Variants in CNBD1 observed in about 807,000 individuals in gnomAD.
The protein encoded by CNBD1 is cyclic nucleotide binding domain containing 1, also known as cyclic nucleotide-binding domain-containing protein 1.
In CNBD1, 71 loss-of-function variants were observed where a neutral mutation model predicts 54.4. The observed-to-expected ratio is 1.30, with a 90% CI of 1.08 to 1.59. CNBD1 has a LOEUF of 1.59. Among genes scored for constraint, CNBD1 ranks in the 40% most tolerant of loss-of-function variants. The pLI, the probability that CNBD1 is intolerant of heterozygous loss-of-function variation, is 0.00. For synonymous variants in CNBD1, 182 were observed against 170.7 expected (o/e 1.07, Z -0.51); for missense variants, 659 against 518.0 (o/e 1.27, Z -2.64).
chr8:86,981,706 T>C (rs186339269), intron 4 of CNBD1, among the ~76,000 whole-genome samples: 1 of 152,324 alleles, frequency 6.6e-6, no homozygotes, highest in Admixed American at 6.5e-5. Context: ...AATATTTAAA[T>C]TTATTCCTGT....
intron 8 of CNBD1, among the ~76,000 whole-genome samples, chr8:87,327,586 C>A (rs1809709186): frequency 6.6e-6 from 1 of 152,254 alleles, no homozygotes; most frequent in South Asian, 2.1e-4. Context: ...TCAGTCACCC[C>A]TTTTTTGACT....
chr8:86,968,120 T>C lies in CNBD1; in HGVS notation c.431+28366T>C, dbSNP rs78013957. Among the ~76,000 whole-genome samples the C allele has an allele frequency of 2.4e-3, 361 of 152,292 alleles. 2 individuals are homozygous for C. The highest frequency in any genetic ancestry group is 8.5e-3 in the African/African-American group (352 of 41,564). On this transcript the variant is annotated intron_variant, in intron 4 of 10. Coordinates refer to ENST00000518476, the MANE Select transcript of CNBD1 (RefSeq NM_173538.3). ...AGCATTTGCCTTCCTCCTGGTGGAT[T>C]TGGCTCGTCTGACAAAACCCTATTC...
rs564500157 is a variant in CNBD1 at position 87,186,857 on chromosome 8, C to T, written c.432-19136C>T. Among the ~76,000 whole-genome samples the T allele has an allele frequency of 2.6e-5, 4 of 152,040 alleles. No homozygotes were observed. In the East Asian group the frequency reaches 7.7e-4, roughly 29 times the overall value. The stretch of plus-strand genomic sequence containing the variant: ...GAAACAAGGAAGCAAAAGTTATGGA[C>T]AAAAGGAAGGGAGATATACTAACCA... On this transcript the variant is annotated intron_variant, in intron 4 of 10. Transcript: ENST00000518476.
chr8:86,927,334 G>A (rs112867122), intron 3 of CNBD1, among the ~76,000 whole-genome samples: 12,106 of 152,160 alleles, frequency 0.08, 625 homozygotes, highest in African/African-American at 0.15. Context: ...CTGCTGCAGG[G>A]GGTCCAGGGG....
chr8:87,019,078 C>CTA (rs1809428905), intron 4 of CNBD1, among the ~76,000 whole-genome samples: 1 of 152,026 alleles, frequency 6.6e-6, no homozygotes, highest in African/African-American at 2.4e-5. Flanking sequence ...ATAAATCTAT[C>CTA]TATATATATT....
intron 4 of CNBD1, among the ~76,000 whole-genome samples, chr8:87,105,870 T>C (rs1026086767): frequency 2.6e-5 from 4 of 152,170 alleles, no homozygotes; most frequent in African/African-American, 9.7e-5. Context: ...TGAGCAGTCA[T>C]TGTCAGTGCA....
At chr8:86,912,904 G>C (rs139391511) in intron 3 of CNBD1, among the ~76,000 whole-genome samples, 3 of 151,948 alleles carry the variant, frequency 2.0e-5, no homozygotes, top group Non-Finnish European at 4.4e-5. Flanking sequence ...GCTAATGTTT[G>C]TAATTGTGTA....
Position 87,105,551 on chromosome 8 carries a change from C to A in CNBD1, c.432-100442C>A, listed in dbSNP as rs1171899311. On this transcript the variant is annotated intron_variant, in intron 4 of 10. Coordinates refer to ENST00000518476, the MANE Select transcript of CNBD1 (RefSeq NM_173538.3). ...CACAGCTTTTTCAGCCCTTGATAAACCCTTCTGTTTGAAAGCAGGTGGTTG... is the reference window on the plus strand; with the variant it reads ...CACAGCTTTTTCAGCCCTTGATAAAACCTTCTGTTTGAAAGCAGGTGGTTG... Among the ~76,000 whole-genome samples the A allele has an allele frequency of 1.3e-5, 2 of 152,116 alleles. 1 individual carries two copies. Among genetic ancestry groups the A allele is most frequent in the African/African-American group, 4.8e-5 (2 of 41,418 alleles).
At chr8:87,273,875 A>C (rs1010240285) in intron 6 of CNBD1, among the ~76,000 whole-genome samples, 1 of 150,314 alleles carries the variant, frequency 6.7e-6, no homozygotes, top group African/African-American at 2.4e-5. Context: ...GCACCCACTA[A>C]CTCGTCATCT....
At chr8:87,136,532 ATATAT>A (rs1350112667) in intron 4 of CNBD1, among the ~76,000 whole-genome samples, 2 of 115,740 alleles carry the variant, frequency 1.7e-5, no homozygotes, top group African/African-American at 3.2e-5. Flanking sequence ...TATATAAATT[ATATAT>A]TATATTTATA....
At chr8:87,248,949 C>A (rs775123740) in intron 6 of CNBD1, among the ~76,000 whole-genome samples, 1 of 152,124 alleles carries the variant, frequency 6.6e-6, no homozygotes, top group African/African-American at 2.4e-5. Flanking sequence ...TGACTTAAAG[C>A]CTGCCACCAG....
At chr8:87,223,962 T>C (rs1814411755) in intron 5 of CNBD1, among the ~76,000 whole-genome samples, 1 of 152,152 alleles carries the variant, frequency 6.6e-6, no homozygotes, top group Non-Finnish European at 1.5e-5. Flanking sequence ...TATCTCATTG[T>C]GGTTTTGATT....
At chr8:87,171,209 T>C (rs1301303654) in intron 4 of CNBD1, among the ~76,000 whole-genome samples, 4 of 152,170 alleles carry the variant, frequency 2.6e-5, no homozygotes, top group African/African-American at 9.7e-5. Flanking sequence ...TACTTTTTGT[T>C]CTGTACAGCT....
At chr8:87,012,293 T>C (rs929885923) in intron 4 of CNBD1, among the ~76,000 whole-genome samples, 8 of 152,300 alleles carry the variant, frequency 5.3e-5, no homozygotes, top group Middle Eastern at 3.4e-3. Flanking sequence ...TAAGCTCTGA[T>C]TTTTTATCTT....
chr8:87,332,492 C>A (rs1809857034), intron 8 of CNBD1, among the ~76,000 whole-genome samples: 1 of 151,980 alleles, frequency 6.6e-6, no homozygotes, highest in African/African-American at 2.4e-5. Context: ...AGGTTTTCTT[C>A]TAGGGTTTTT....
chr8:87,347,953 G>A (rs1262687175), intron 8 of CNBD1, among the ~76,000 whole-genome samples: 2 of 152,046 alleles, frequency 1.3e-5, no homozygotes, highest in Non-Finnish European at 2.9e-5. Flanking sequence ...AGTCTCTGAG[G>A]CATATTCAAA....
intron 5 of CNBD1, among the ~76,000 whole-genome samples, chr8:87,213,069 AGAT>A (rs572909488): frequency 5.4e-4 from 83 of 152,324 alleles, no homozygotes; most frequent in African/African-American, 1.9e-3. Context: ...TTTTCAGAGA[AGAT>A]ATAAAAATAG....
chr8:87,044,345 T>TTCCC (rs1810137170), intron 4 of CNBD1: 1 of 152,188 alleles, frequency 6.6e-6, no homozygotes, highest in African/African-American at 2.4e-5. Context: ...TGTTTTTTCC[T>TTCCC]TCCCTCCCTT....
downstream of CNBD1, among the ~76,000 whole-genome samples, chr8:87,383,385 T>A (rs1811125355): frequency 6.6e-6 from 1 of 152,120 alleles, no homozygotes; most frequent in Non-Finnish European, 1.5e-5. Flanking sequence ...ATTCAATACC[T>A]ACCATGTGTC....
Sources: gnomAD v4.1 joint callset for allele counts (sites outside exome capture counted in the v4.1 genomes callset) on GRCh38, gnomAD v4.1.1 for gene constraint, MANE v1.5 for transcripts, NCBI Gene and HGNC (gene_info 2026-07-23, HGNC 2026-07-21) for gene names.